The following POLE4 variants were observed in gnomAD, a reference collection of about 807,000 sequenced individuals.
POLE4 encodes the protein DNA polymerase epsilon 4, accessory subunit, also known as DNA polymerase epsilon subunit 4.
POLE4 carries 15 observed loss-of-function variants against 15.6 expected under a neutral mutation model. That is an observed-to-expected ratio of 0.96 (90% CI 0.64 to 1.48). The LOEUF (loss-of-function observed/expected upper bound fraction) is 1.48, where lower values mean the gene tolerates loss of function less well. Among genes scored for constraint, POLE4 ranks in the 40% most tolerant of loss-of-function variants. POLE4 has a pLI of 0.00. For missense variants in POLE4, 205 were observed against 151.9 expected (o/e 1.35, Z -1.84); for synonymous variants, 83 against 63.2 (o/e 1.31, Z -1.49).
intron 3 of POLE4, among the ~76,000 whole-genome samples, chr2:74,965,864 T>C (rs2103681849): frequency 6.6e-6 from 1 of 152,308 alleles, no homozygotes; most frequent in East Asian, 1.9e-4. Flanking sequence ...TGTAAATCTT[T>C]TAATTTTTAT....
chr2:74,961,317 A>G (rs1010467333), intron 3 of POLE4: 2 of 152,198 alleles, frequency 1.3e-5, no homozygotes, highest in African/African-American at 2.4e-5. Flanking sequence ...GTCTTATTAG[A>G]TAGATAGACT....
At chr2:74,959,220 C>G in intron 1 of POLE4, 121 bp from the exon 2 acceptor site, 1 of 656,018 alleles carries the variant, frequency 1.5e-6, no homozygotes, top group Admixed American at 2.7e-5. Flanking sequence ...ATCTTAGCTT[C>G]CAGAACATTT....
chr2:74,960,489 T>C, intron 3 of POLE4: 1 of 463,382 alleles, frequency 2.2e-6, no homozygotes, highest in Middle Eastern at 3.2e-4. Flanking sequence ...CAGAAACAAT[T>C]GTTAACATTT....
chr2:74,969,638 AGCT>A lies in POLE4; in HGVS notation c.*226_*228del. ...TGTCTTCCATATCAAGCCTGGATGC[AGCT>A]GCTGCTGCTTAGAGCAGAGATGAAG... is the stretch of plus-strand genomic sequence containing the variant. On this transcript the variant is annotated 3_prime_UTR_variant, in exon 4 of 4. Transcript: ENST00000483063. The A allele has an allele frequency of 1.7e-6, 1 of 606,050 alleles. No homozygotes were observed. The allele number at this position is 606,050 out of a possible 1,614,324, so 37.5% of individuals were successfully genotyped here.
chr2:74,959,523 C>A, intron 2 of POLE4, 98 bp downstream of exon 2: 1 of 731,608 alleles, frequency 1.4e-6, no homozygotes, highest in Non-Finnish European at 2.3e-6. Context: ...CTGAGAGGTG[C>A]CACAGCGTCT....
chr2:74,964,368 G>A (rs181406854), intron 3 of POLE4, among the ~76,000 whole-genome samples: 232 of 152,256 alleles, frequency 1.5e-3, no homozygotes, highest in African/African-American at 5.6e-3. Context: ...CACAAAAAGA[G>A]ATATTAATTG....
At chr2:74,968,120 C>T (rs1432043173) in intron 3 of POLE4, among the ~76,000 whole-genome samples, 1 of 152,182 alleles carries the variant, frequency 6.6e-6, no homozygotes, top group Non-Finnish European at 1.5e-5. Context: ...TTCTTACTGT[C>T]TCTAGATTTC....
chr2:74,963,680 G>A (rs1340484250), intron 3 of POLE4, among the ~76,000 whole-genome samples: 2 of 151,970 alleles, frequency 1.3e-5, no homozygotes, highest in Admixed American at 1.3e-4. Context: ...GGTAGAGATG[G>A]GGTTTCACTG....
rs187163505 is a variant in POLE4 at position 74,969,575 on chromosome 2, A to G, written c.*153A>G. On this transcript the variant is annotated 3_prime_UTR_variant, in exon 4 of 4. Coordinates refer to ENST00000483063, the MANE Select transcript of POLE4 (RefSeq NM_019896.4). ...GCCGGGATAAGCAGAGATCTCATCA[A>G]TTAGCTCTTCTCTGCAAGGTCTTCC... is the stretch of plus-strand genomic sequence containing the variant. The G allele has an allele frequency of 2.3e-5, 17 of 753,252 alleles. No individual in the cohort carries two copies. The highest frequency in any genetic ancestry group is 7.5e-5 in the Admixed American group (4 of 53,586). The allele number at this position is 753,252 out of a possible 1,614,324, so 46.7% of individuals were successfully genotyped here.
intron 3 of POLE4, among the ~76,000 whole-genome samples, chr2:74,966,720 G>A (rs927748498): frequency 2.6e-5 from 4 of 152,088 alleles, no homozygotes; most frequent in Non-Finnish European, 5.9e-5. Context: ...CTGTATTTCC[G>A]ATCCTCCATT....
At chr2:74,964,675 GT>G (rs1347245509) in intron 3 of POLE4, among the ~76,000 whole-genome samples, 1 of 151,706 alleles carries the variant, frequency 6.6e-6, no homozygotes, top group Admixed American at 6.6e-5. Context: ...TTTCTTAGCT[GT>G]TATTCTTAGT....
chr2:74,960,328 A>G (rs1301877171), intron 3 of POLE4, 182 bp downstream of exon 3: 3 of 607,384 alleles, frequency 4.9e-6, no homozygotes, highest in Non-Finnish European at 8.9e-6. Flanking sequence ...TCCCTTGGGG[A>G]ATTAAAATTT....
intron 3 of POLE4, chr2:74,961,532 A>G (rs919926381): frequency 6.6e-6 from 1 of 152,216 alleles, no homozygotes; most frequent in South Asian, 2.1e-4. Context: ...TTTAATTACC[A>G]GCTTTTCAAA....
chr2:74,959,245 TTTC>T, intron 1 of POLE4, 93 bp from the exon 2 acceptor site: 2 of 747,048 alleles, frequency 2.7e-6, no homozygotes, highest in Non-Finnish European at 4.6e-6. Context: ...GCCCCGAGCC[TTTC>T]TTCTCCCTTT....
rs538844588 is a variant in POLE4, at chr2:74,965,899, T to C, written c.341-3510T>C. 5.9e-5 allele frequency among the ~76,000 whole-genome samples: 9 copies of C among 152,316 alleles called. 1 individual carries two copies. The East Asian group carries it at 1.7e-3, about 29-fold the overall frequency. The stretch of plus-strand genomic sequence containing the variant: ...TCTTTCCATATATTTGTGAACAGAA[T>C]TTAACTGGATTATTTTCCTAAATTC... On this transcript the variant is annotated intron_variant, in intron 3 of 3. Coordinates refer to ENST00000483063, the MANE Select transcript of POLE4 (RefSeq NM_019896.4).
Position 74,958,766 on chromosome 2 carries a change from C to T in POLE4, c.87C>T (p.Ala29=), listed in dbSNP as rs1384419651. 2 of 1,544,888 alleles carry T rather than the reference C, an allele frequency of 1.3e-6. No individual in the cohort carries two copies. Among genetic ancestry groups the T allele is most frequent in the African/African-American group, 1.4e-5 (1 of 72,030 alleles). The change falls in exon 1 of 4, where the codon GCC becomes GCT. Residue 29 remains alanine, a synonymous_variant. Coordinates refer to ENST00000483063, the MANE Select transcript of POLE4 (RefSeq NM_019896.4). The part of the protein sequence containing the change: ...AGEAAASQPQ[A]PTSVPGARLS... Reference sequence around the variant, plus strand: ...AGGCAGCGGCCTCGCAGCCCCAGGCCCCAACGAGTGTGCCTGGGGCTCGTC... The same window carrying T: ...AGGCAGCGGCCTCGCAGCCCCAGGCTCCAACGAGTGTGCCTGGGGCTCGTC...
chr2:74,963,015 A>T (rs1184901807), intron 3 of POLE4, among the ~76,000 whole-genome samples: 1 of 152,252 alleles, frequency 6.6e-6, no homozygotes, highest in East Asian at 1.9e-4. Flanking sequence ...TTGCTATATG[A>T]CAGTACCACA....
chr2:74,966,046 TTTG>T (rs1320628862), intron 3 of POLE4, among the ~76,000 whole-genome samples: 1 of 151,148 alleles, frequency 6.6e-6, no homozygotes, highest in Non-Finnish European at 1.5e-5. Context: ...TGTTTTATGT[TTTG>T]TTTTTTTTTT....
intron 3 of POLE4, among the ~76,000 whole-genome samples, chr2:74,963,986 AT>A (rs1197354780): frequency 6.6e-6 from 1 of 152,248 alleles, no homozygotes; most frequent in African/African-American, 2.4e-5. Context: ...TCATGAAGAC[AT>A]TCTGTATATG....
Sources: allele counts gnomAD v4.1 joint callset (sites outside exome capture counted in the v4.1 genomes callset), GRCh38; gene constraint gnomAD v4.1.1; transcripts MANE v1.5; gene names NCBI Gene and HGNC (gene_info 2026-07-23, HGNC 2026-07-21).